Variants in FOXP3 observed in about 807,000 individuals in gnomAD.
FOXP3 encodes the protein forkhead box protein P3.
A neutral mutation model predicts 31.2 loss-of-function variants in FOXP3; 5 were observed. The observed-to-expected ratio is 0.16, with a 90% CI of 0.08 to 0.34. FOXP3 has a LOEUF of 0.34. Among genes scored for constraint, FOXP3 ranks in the 10% least tolerant of loss-of-function variants. The pLI is 1.00. For synonymous variants in FOXP3, 141 were observed against 148.8 expected, an observed-to-expected ratio of 0.95 and a Z score of 0.38; for missense variants, 251 against 363.0, an observed-to-expected ratio of 0.69 and a Z score of 2.51.
chrX:49,258,540 T>C lies in FOXP3; in HGVS notation c.-22-13A>G, dbSNP rs2066089822. On this transcript the variant is annotated splice_polypyrimidine_tract_variant and intron_variant, in intron 1 of 11. Transcript: ENST00000376207. ...GTCCAAGGGCAGGCTGCGTAGACAA[T>C]AGGGGAAAGGAGTCACACGTGTGCT... 2 of 1,111,413 alleles carry C rather than the reference T, an allele frequency of 1.8e-6. No individual in the cohort carries two copies. The highest frequency in any genetic ancestry group is 1.2e-6 in the Non-Finnish European group (1 of 838,745). The allele number at this position is 1,111,413 out of a possible 1,213,427, so 91.6% of individuals were successfully genotyped here.
At chrX:49,257,617 C>T in intron 3 of FOXP3, 47 bp downstream of exon 3, 2 of 1,187,244 alleles carry the variant, frequency 1.7e-6, no homozygotes, top group South Asian at 3.7e-5. Context: ...CCCCTCCCCA[C>T]AGTTCTCCCA....
intron 1 of FOXP3, among the ~76,000 whole-genome samples, chrX:49,263,347 C>T (rs782298763): frequency 1.8e-5 from 2 of 111,857 alleles, no homozygotes. Context: ...AATAGGACAA[C>T]CTTTTGGAAG....
Position 49,250,793 on chromosome X carries a change from A to T in FOXP3, c.*541T>A. The T allele has an allele frequency of 4.3e-6, 1 of 231,309 alleles. No homozygotes were observed. The highest frequency in any genetic ancestry group is 7.9e-6 in the Non-Finnish European group (1 of 125,815). The allele number at this position is 231,309 out of a possible 1,213,427, so 19.1% of individuals were successfully genotyped here. ...GGCCTCTGGGCACACCCCTGTGTTG[A>T]CAGTGCCCCTGTGGGCCCTGAGGCT... On this transcript the variant is annotated 3_prime_UTR_variant, in exon 12 of 12. Coordinates refer to ENST00000376207, the MANE Select transcript of FOXP3 (RefSeq NM_014009.4).
Position 49,255,455 on chromosome X carries a change from T to C in FOXP3, c.790A>G (p.Met264Val). The part of the protein sequence containing the change: ...SAMQAHLAGK[M>V]ALTKASSVAS... ...ACAGATGAAGCCTTGGTCAGTGCCA[T>C]TTTCCCAGCCAGGTGGGCCTGCATG... The change falls in exon 8 of 12, where the codon ATG becomes GTG. Residue 264 changes from methionine (M) to valine (V), a missense_variant. Transcript: ENST00000376207. 2 of 1,204,096 alleles carry C rather than the reference T, an allele frequency of 1.7e-6. No homozygotes were observed. The highest frequency in any genetic ancestry group is 2.2e-6 in the Non-Finnish European group (2 of 891,393).
At position 49,255,704 on chromosome X, in the gene FOXP3, C is replaced by A. The variant is rs782257905; in HGVS notation, c.735+11G>T. 1 of 1,203,932 alleles carries A rather than the reference C, an allele frequency of 8.3e-7. No homozygotes were observed. Among genetic ancestry groups the A allele is most frequent in the African/African-American group, 1.7e-5 (1 of 57,668 alleles). On this transcript the variant is annotated intron_variant, in intron 7 of 11. Coordinates refer to ENST00000376207, the MANE Select transcript of FOXP3 (RefSeq NM_014009.4). ...ATCCCTATCCCTTACCCTCCACCGCCCTGGCATTACCTGCTGCTCCAGAGA... is the reference window on the plus strand; with the variant it reads ...ATCCCTATCCCTTACCCTCCACCGCACTGGCATTACCTGCTGCTCCAGAGA...
At chrX:49,253,705 G>A (rs1381498477) in intron 9 of FOXP3, among the ~76,000 whole-genome samples, 2 of 112,125 alleles carry the variant, frequency 1.8e-5, no homozygotes, top group East Asian at 2.8e-4. Flanking sequence ...CTAGGGGCCC[G>A]ACACTCGAGA....
chrX:49,254,037 C>T lies in FOXP3; in HGVS notation c.847G>A (p.Val283Ile), dbSNP rs1557115946. 2.5e-6 allele frequency: 3 copies of T among 1,207,897 alleles called. No individual in the cohort carries two copies. Among genetic ancestry groups the T allele is most frequent in the Non-Finnish European group, 2.2e-6 (2 of 893,621 alleles). ...ACAGGGCCTTGGCTGCCAGCAGCTA[C>T]GATGCAGCAGGAGCCCTTGTCGGAT... ...ASSDKGSCCI[V>I]AAGSQGPVVP... The change falls in exon 9 of 12, where the codon GTA (valine) becomes ATA (isoleucine). Residue 283 changes from valine to isoleucine, a missense_variant. This residue lies in a region of FOXP3 where 57 missense variants were observed against 60.9 expected (regional missense o/e 0.94). Coordinates refer to ENST00000376207, the MANE Select transcript of FOXP3 (RefSeq NM_014009.4).
chrX:49,259,226 T>A (rs1557116890), intron 1 of FOXP3: 1 of 525,790 alleles, frequency 1.9e-6, no homozygotes. Context: ...TGACATTACC[T>A]GAGATGGGGG....
intron 8 of FOXP3, among the ~76,000 whole-genome samples, chrX:49,254,725 G>A (rs1049724270): frequency 9.0e-6 from 1 of 111,361 alleles, no homozygotes; most frequent in South Asian, 3.8e-4. Flanking sequence ...ACAGTGCCTG[G>A]CCTCCAGGGC....
intron 9 of FOXP3, 135 bp from the exon 10 acceptor site, chrX:49,253,337 T>A: frequency 2.0e-6 from 1 of 505,890 alleles, no homozygotes; most frequent in South Asian, 2.9e-5. Context: ...CAGGTACTGT[T>A]TGCTGAGCAC....
intron 8 of FOXP3, 35 bp downstream of exon 8, chrX:49,255,394 C>A (rs1222974942): frequency 8.6e-6 from 10 of 1,164,895 alleles, no homozygotes; most frequent in Non-Finnish European, 1.2e-5. Flanking sequence ...CCCCAGCAGT[C>A]TGAGTCTGCC....
chrX:49,263,263 T>C (rs781994937), intron 1 of FOXP3, among the ~76,000 whole-genome samples: 1 of 111,458 alleles, frequency 9.0e-6, no homozygotes, highest in African/African-American at 3.3e-5. Context: ...TGTGTTTTTC[T>C]TACCTGTCAT....
At chrX:49,260,767 C>G (rs1557117104) in intron 1 of FOXP3, among the ~76,000 whole-genome samples, 1 of 113,014 alleles carries the variant, frequency 8.8e-6, no homozygotes, top group Admixed American at 9.3e-5. Flanking sequence ...TCACAGCCCC[C>G]GACTTGCCCA....
intron 1 of FOXP3, among the ~76,000 whole-genome samples, chrX:49,261,291 G>A (rs782760007): frequency 8.9e-6 from 1 of 112,466 alleles, no homozygotes; most frequent in East Asian, 2.8e-4. Flanking sequence ...TGCCTACCAG[G>A]CCTGGAAACA....
At chrX:49,259,202 T>C in intron 1 of FOXP3, 1 of 525,939 alleles carries the variant, frequency 1.9e-6, no homozygotes, top group African/African-American at 2.3e-5. Context: ...CTTGAGCAGC[T>C]GGAAGGACCG....
chrX:49,261,346 C>A (rs782787535), intron 1 of FOXP3, among the ~76,000 whole-genome samples: 2 of 112,654 alleles, frequency 1.8e-5, no homozygotes, highest in Non-Finnish European at 1.9e-5. Flanking sequence ...CACTCTGGAA[C>A]AACGTTCCCA....
At chrX:49,254,544 C>T (rs1316211989) in intron 8 of FOXP3, among the ~76,000 whole-genome samples, 12 of 112,018 alleles carry the variant, frequency 1.1e-4, no homozygotes, top group African/African-American at 3.3e-4. Context: ...AGCACAGGTG[C>T]GGATGTCGTA....
At chrX:49,253,721 TG>T (rs2066048981) in intron 9 of FOXP3, among the ~76,000 whole-genome samples, 195 bp downstream of exon 9, 1 of 111,136 alleles carries the variant, frequency 9.0e-6, no homozygotes, top group Non-Finnish European at 1.9e-5. Context: ...CGAGACCATA[TG>T]GGGGGCTTTC....
rs2066027178 is a variant in FOXP3, at chrX:49,251,098, G to A, written c.*236C>T. On this transcript the variant is annotated 3_prime_UTR_variant, in exon 12 of 12. Coordinates refer to ENST00000376207, the MANE Select transcript of FOXP3 (RefSeq NM_014009.4). The stretch of plus-strand genomic sequence containing the variant: ...TCGACTGGGGGGTGTGTCTGGGGCG[G>A]AGGTGGGGGCTGGGGCCAGGACCGG... 2 of 435,082 alleles carry A rather than the reference G, an allele frequency of 4.6e-6. No homozygotes were observed. Among genetic ancestry groups the A allele is most frequent in the Non-Finnish European group, 8.0e-6 (2 of 250,031 alleles). 35.9% of individuals were successfully genotyped at this position (435,082 alleles called of 1,213,427 possible).
Sources: gnomAD v4.1 joint callset for allele counts (sites outside exome capture counted in the v4.1 genomes callset) on GRCh38, gnomAD v4.1.1 for gene constraint, gnomAD v4.1.1 regional missense constraint, MANE v1.5 for transcripts, NCBI Gene and HGNC (gene_info 2026-07-23, HGNC 2026-07-21) for gene names.